Variants in SLIT3 observed in about 807,000 individuals in gnomAD.
SLIT3 encodes slit guidance ligand 3, also known as slit homolog 3 protein.
Under a neutral mutation model 184.0 loss-of-function variants are expected in SLIT3, and 68 were observed. The ratio of observed to expected loss-of-function variants is 0.37; its 90% CI spans 0.30 to 0.45. The LOEUF is 0.45. Among genes scored for constraint, SLIT3 ranks in the 20% least tolerant of loss-of-function variants. SLIT3 has a pLI of 1.00. For missense variants in SLIT3, 1,707 were observed against 2,026.0 expected (o/e 0.84, Z 3.02); for synonymous variants, 831 against 828.6 (o/e 1.00, Z -0.05).
chr5:168,750,510 G>A (rs894685376), intron 18 of SLIT3, among the ~76,000 whole-genome samples: 1 of 152,178 alleles, frequency 6.6e-6, no homozygotes, highest in Admixed American at 6.5e-5. Flanking sequence ...TGGCTGTTTC[G>A]GGGTTGGAGT....
chr5:169,068,249 G>T (rs1393250698), intron 4 of SLIT3, among the ~76,000 whole-genome samples: 1 of 152,110 alleles, frequency 6.6e-6, no homozygotes, highest in East Asian at 1.9e-4. Context: ...AGAAAAAAAT[G>T]TTAATATAAC....
rs1383409928 is a variant in SLIT3, at chr5:168,749,533, C to T, written c.2076G>A (p.Lys692=). Residue 692 remains lysine, a synonymous_variant, in exon 19 of 36, where the codon AAG becomes AAA. Transcript: ENST00000519560. ...RIVSGNPRCQ[K]PFFLKEIPIQ... ...TGGGAATCTCCTTGAGGAAAAATGG[C>T]TTCTGGCACCTAGGGTTCCCACTGA... 3 of 1,614,202 alleles carry T rather than the reference C, an allele frequency of 1.9e-6. No homozygotes were observed. Among genetic ancestry groups the T allele is most frequent in the Non-Finnish European group, 2.5e-6 (3 of 1,180,028 alleles).
At chr5:168,714,651 C>T (rs1000605437) in intron 23 of SLIT3, among the ~76,000 whole-genome samples, 10 of 152,120 alleles carry the variant, frequency 6.6e-5, no homozygotes, top group Middle Eastern at 3.2e-3. Flanking sequence ...TCATTAAATC[C>T]GCCTACACTG....
intron 4 of SLIT3, among the ~76,000 whole-genome samples, chr5:168,885,890 G>A (rs1040248207): frequency 8.5e-5 from 13 of 152,204 alleles, no homozygotes; most frequent in Non-Finnish European, 1.8e-4. Flanking sequence ...ATGAGGAGAG[G>A]AGAGCGATAT....
intron 4 of SLIT3, among the ~76,000 whole-genome samples, chr5:169,053,341 A>C (rs1267346291): frequency 2.0e-5 from 3 of 152,158 alleles, no homozygotes; most frequent in Non-Finnish European, 4.4e-5. Context: ...CTCAATTTTC[A>C]TTTCTGCTTC....
At position 168,863,040 on chromosome 5, in the gene SLIT3, G is replaced by A. The variant is rs138210261; in HGVS notation, c.486-18385C>T. On this transcript the variant is annotated intron_variant, in intron 5 of 35. Transcript: ENST00000519560. ...AACAATGTGGGCTGGGGGTGCAGAC[G>A]GAGACGAATGCCATGCATACAACAC... is the stretch of plus-strand genomic sequence containing the variant. Among the ~76,000 whole-genome samples, 228 of 152,024 alleles carry A rather than the reference G, an allele frequency of 1.5e-3. 3 individuals are homozygous for A. Among genetic ancestry groups the A allele is most frequent in the African/African-American group, 4.9e-3 (204 of 41,434 alleles).
In SLIT3 at chr5:168,861,256, A is replaced by ACC. The variant is rs1561973616; in HGVS notation, c.486-16602_486-16601insGG. Among the ~76,000 whole-genome samples the ACC allele has an allele frequency of 5.4e-5, 8 of 147,656 alleles. No homozygotes were observed. In the East Asian group the frequency reaches 6.1e-4, roughly 11 times the overall value. The stretch of plus-strand genomic sequence containing the variant: ...TATCTCCTAATGCTTTCCCTCCCCC[A>ACC]TCCCCCCATCCCACGACAGGCCCCA... On this transcript the variant is annotated intron_variant, in intron 5 of 35. Coordinates refer to ENST00000519560, the MANE Select transcript of SLIT3 (RefSeq NM_003062.4).
At chr5:169,130,171 C>T (rs1194943560) in intron 4 of SLIT3, among the ~76,000 whole-genome samples, 1 of 152,028 alleles carries the variant, frequency 6.6e-6, no homozygotes, top group African/African-American at 2.4e-5. Context: ...GACAAATGTA[C>T]CATAGTAATG....
At chr5:169,057,524 AG>A (rs1454137018) in intron 4 of SLIT3, among the ~76,000 whole-genome samples, 1 of 152,194 alleles carries the variant, frequency 6.6e-6, no homozygotes, top group Non-Finnish European at 1.5e-5. Flanking sequence ...AAGCTCCCAG[AG>A]GGGGATGTAG....
Position 168,671,066 on chromosome 5 carries a change from A to C in SLIT3, c.4127+132T>G. ...GCCTCTTGACCTCTTAAGCAGTTAC[A>C]CTTACACAGATCCTATCTGCGGTCT... On this transcript the variant is annotated intron_variant, in intron 34 of 35. Transcript: ENST00000519560. The C allele has an allele frequency of 3.9e-6, 4 of 1,017,104 alleles. No homozygotes were observed. In the South Asian group the frequency reaches 6.3e-5, roughly 16 times the overall value. The allele number at this position is 1,017,104 out of a possible 1,614,324, so 63.0% of individuals were successfully genotyped here. A position where few individuals can be genotyped will look rare whatever the true frequency, so the allele number is the denominator to read the frequency against.
rs74362556 is a variant in SLIT3, at chr5:168,729,304, A to G, written c.2271-4820T>C. ...CAGGAGGCCCAGAAATCTTCAGGCA[A>G]ATACATTGCAAAAAGGATATCTCTA... is the stretch of plus-strand genomic sequence containing the variant. On this transcript the variant is annotated intron_variant, in intron 20 of 35. Transcript: ENST00000519560. Among the ~76,000 whole-genome samples, 580 of 152,300 alleles carry G rather than the reference A, an allele frequency of 3.8e-3. 21 individuals are homozygous for G. The East Asian group carries it at 0.096, about 25-fold the overall frequency.
chr5:169,040,100 A>T (rs1357832590), intron 4 of SLIT3, among the ~76,000 whole-genome samples: 2 of 152,228 alleles, frequency 1.3e-5, no homozygotes, highest in Non-Finnish European at 2.9e-5. Flanking sequence ...AAATAAAAAA[A>T]GCCCTCACAA....
At chr5:169,118,543 G>A (rs185061118) in intron 4 of SLIT3, among the ~76,000 whole-genome samples, 2,219 of 152,278 alleles carry the variant, frequency 0.015, 39 homozygotes, top group South Asian at 0.079. Context: ...AGGCAGGACC[G>A]AGTCAAGACC....
chr5:168,994,041 C>A (rs1167570100), intron 4 of SLIT3: 3 of 152,270 alleles, frequency 2.0e-5, no homozygotes, highest in Admixed American at 6.5e-5. Context: ...CCAGCTGCAA[C>A]CTTGCCCCTG....
intron 4 of SLIT3, among the ~76,000 whole-genome samples, chr5:169,011,831 A>T (rs1756166930): frequency 6.6e-6 from 1 of 152,198 alleles, no homozygotes; most frequent in South Asian, 2.1e-4. Flanking sequence ...ATCTTGTAGG[A>T]AATAAAGAGT....
intron 9 of SLIT3, among the ~76,000 whole-genome samples, chr5:168,801,904 G>A (rs1756778623): frequency 6.6e-6 from 1 of 151,994 alleles, no homozygotes; most frequent in Non-Finnish European, 1.5e-5. Context: ...TTTGGCTTTG[G>A]AAAACACTGA....
At chr5:169,199,693 T>C (rs1167454007) in intron 3 of SLIT3, among the ~76,000 whole-genome samples, 1 of 152,224 alleles carries the variant, frequency 6.6e-6, no homozygotes, top group Admixed American at 6.5e-5. Flanking sequence ...AAAGTCAAGC[T>C]TGACCAACGT....
chr5:169,276,452 T>C (rs547251540), intron 1 of SLIT3, among the ~76,000 whole-genome samples: 22 of 152,324 alleles, frequency 1.4e-4, no homozygotes, highest in African/African-American at 5.3e-4. Flanking sequence ...CTATCCTCTT[T>C]GGTTCAACTG....
At chr5:168,840,470 GT>G (rs1194966002) in intron 6 of SLIT3, among the ~76,000 whole-genome samples, 1 of 146,454 alleles carries the variant, frequency 6.8e-6, no homozygotes, top group Non-Finnish European at 1.5e-5. Context: ...ACCCATGATG[GT>G]ACGTTAGTCA....
Sources: gnomAD v4.1 joint callset for allele counts (sites outside exome capture counted in the v4.1 genomes callset) on GRCh38, gnomAD v4.1.1 for gene constraint, MANE v1.5 for transcripts, NCBI Gene and HGNC (gene_info 2026-07-23, HGNC 2026-07-21) for gene names.